Variants in STRBP observed in about 807,000 individuals in gnomAD.
The protein encoded by STRBP is spermatid perinuclear RNA-binding protein.
Under a neutral mutation model 80.1 loss-of-function variants are expected in STRBP, and 13 were observed. That is an observed-to-expected ratio of 0.16 (90% CI 0.11 to 0.26). The LOEUF is 0.26. Among genes scored for constraint, STRBP ranks in the 10% least tolerant of loss-of-function variants. The pLI, the probability that STRBP is intolerant of heterozygous loss-of-function variation, is 1.00. For missense variants in STRBP, 485 were observed against 815.2 expected (o/e 0.59, Z 4.93); for synonymous variants, 284 against 291.2 (o/e 0.98, Z 0.25).
intron 13 of STRBP, among the ~76,000 whole-genome samples, chr9:123,144,091 A>G (rs2132343048): frequency 6.6e-6 from 1 of 151,682 alleles, no homozygotes; most frequent in South Asian, 2.1e-4. Context: ...CCAGCTACCC[A>G]GGAGGCTGAG....
At chr9:123,196,553 C>G (rs917648000) in intron 2 of STRBP, among the ~76,000 whole-genome samples, 1 of 151,950 alleles carries the variant, frequency 6.6e-6, no homozygotes, top group Admixed American at 6.6e-5. Flanking sequence ...AATCTAATAA[C>G]CCAATTAAAA....
intron 13 of STRBP, among the ~76,000 whole-genome samples, chr9:123,143,310 G>T (rs1316676943): frequency 6.6e-6 from 1 of 152,240 alleles, no homozygotes; most frequent in Admixed American, 6.5e-5. Context: ...GGATAGAGAA[G>T]TGGAAGAGTG....
intron 11 of STRBP, among the ~76,000 whole-genome samples, chr9:123,152,099 C>G (rs2037081443): frequency 6.6e-6 from 1 of 152,082 alleles, no homozygotes; most frequent in South Asian, 2.1e-4. Flanking sequence ...CTTACCAAAA[C>G]TGTCCTAAGA....
chr9:123,201,729 C>T (rs148885921), intron 2 of STRBP, among the ~76,000 whole-genome samples: 3 of 152,272 alleles, frequency 2.0e-5, no homozygotes, highest in African/African-American at 7.2e-5. Context: ...TTCTGCAGAT[C>T]TTAGGTAGAA....
rs200949149 is a variant in STRBP at position 123,136,195 on chromosome 9, T to A, written c.1633-14A>T. 7.6e-5 allele frequency: 122 copies of A among 1,614,076 alleles called. No individual in the cohort carries two copies. Among genetic ancestry groups the A allele is most frequent in the Admixed American group, 1.0e-4 (6 of 59,996 alleles). On this transcript the variant is annotated splice_polypyrimidine_tract_variant and intron_variant, in intron 15 of 18. Coordinates refer to ENST00000348403, the MANE Select transcript of STRBP (RefSeq NM_018387.5). This position sits in a 1 kb window ranked among gnomAD's most constrained non-coding sequence, Gnocchi z 4.2. ...ATCTACTTCTACCTACAATCAAGAA[T>A]AACACCTTGCAATTATCCCATGCAA...
intron 2 of STRBP, among the ~76,000 whole-genome samples, chr9:123,188,981 G>T (rs960828609): frequency 6.6e-6 from 1 of 152,042 alleles, no homozygotes; most frequent in African/African-American, 2.4e-5. Flanking sequence ...ATTAGAAAAA[G>T]ACACCTCACT....
At chr9:123,212,019 C>T (rs1189487394) in intron 2 of STRBP, among the ~76,000 whole-genome samples, 1 of 152,174 alleles carries the variant, frequency 6.6e-6, no homozygotes, top group Non-Finnish European at 1.5e-5. Flanking sequence ...ATGACACTTT[C>T]AAGTCAACCT....
chr9:123,176,230 C>A (rs1369363206), intron 4 of STRBP, among the ~76,000 whole-genome samples: 1 of 152,168 alleles, frequency 6.6e-6, no homozygotes, highest in African/African-American at 2.4e-5. Flanking sequence ...TCACCACATG[C>A]CAAAACCCTA....
chr9:123,254,173 A>G (rs1441340946), intron 1 of STRBP, among the ~76,000 whole-genome samples: 1 of 152,192 alleles, frequency 6.6e-6, no homozygotes, highest in Admixed American at 6.5e-5. Context: ...ATTTCCTGGT[A>G]CACATTTCTA....
At chr9:123,204,645 T>C (rs577725258) in intron 2 of STRBP, among the ~76,000 whole-genome samples, 2 of 152,204 alleles carry the variant, frequency 1.3e-5, no homozygotes, top group African/African-American at 4.8e-5. Context: ...ATGCTGTGCA[T>C]GGTGGCTCAC....
At chr9:123,225,651 CT>C (rs1279403571) in intron 2 of STRBP, among the ~76,000 whole-genome samples, 2 of 152,168 alleles carry the variant, frequency 1.3e-5, no homozygotes, top group Admixed American at 6.5e-5. Context: ...GTAATTCTAC[CT>C]ACAGTGTCTA....
At chr9:123,254,564 T>G (rs2040986648) in intron 1 of STRBP, among the ~76,000 whole-genome samples, 1 of 151,786 alleles carries the variant, frequency 6.6e-6, no homozygotes. Context: ...TTAACCTCTC[T>G]GGAACAAAGC....
chr9:123,149,551 A>G (rs1289213367), intron 11 of STRBP, among the ~76,000 whole-genome samples: 1 of 152,216 alleles, frequency 6.6e-6, no homozygotes, highest in African/African-American at 2.4e-5. Flanking sequence ...CATAGCAGCC[A>G]TTGGAAAGGG....
chr9:123,165,744 T>C (rs542070231), intron 6 of STRBP, among the ~76,000 whole-genome samples: 4 of 152,010 alleles, frequency 2.6e-5, no homozygotes, highest in Non-Finnish European at 5.9e-5. Flanking sequence ...TAGACAATAA[T>C]GGGAAGTGGC....
intron 6 of STRBP, among the ~76,000 whole-genome samples, chr9:123,167,747 T>TA (rs2037831372): frequency 1.3e-5 from 2 of 152,158 alleles, no homozygotes; most frequent in African/African-American, 4.8e-5. Flanking sequence ...ATTCAGCTCA[T>TA]AGAGGTCTTT....
At chr9:123,201,216 G>A (rs919510297) in intron 2 of STRBP, among the ~76,000 whole-genome samples, 1 of 151,906 alleles carries the variant, frequency 6.6e-6, no homozygotes, top group Non-Finnish European at 1.5e-5. Context: ...GTGTGTGTTT[G>A]AATTTCATTT....
At chr9:123,111,178 A>G (rs963586561) in intron 3 of STRBP, 2 of 169,310 alleles carry the variant, frequency 1.2e-5, no homozygotes, top group African/African-American at 4.8e-5. Flanking sequence ...TCCACACACA[A>G]GGAGGCTTGG....
chr9:123,141,817 A>C (rs778702424), intron 13 of STRBP, among the ~76,000 whole-genome samples: 15 of 152,216 alleles, frequency 9.9e-5, no homozygotes, highest in Non-Finnish European at 1.5e-4. Flanking sequence ...AAAAAATTCA[A>C]ATCAAATCAT....
At position 123,241,675 on chromosome 9, in the gene STRBP, A is replaced by G. The variant is rs188308248; in HGVS notation, c.-301-4709T>C. On this transcript the variant is annotated intron_variant, in intron 1 of 18. Transcript: ENST00000348403. ...TGATTCCCTTTTCCTGTGGCCATGAAATACAGAACACATCCTGTTGACTCT... is the reference window on the plus strand; with the variant it reads ...TGATTCCCTTTTCCTGTGGCCATGAGATACAGAACACATCCTGTTGACTCT... Among the ~76,000 whole-genome samples, 112 of 152,280 alleles carry G rather than the reference A, an allele frequency of 7.4e-4. 2 individuals are homozygous for G. The highest frequency in any genetic ancestry group is 2.2e-3 in the Admixed American group (33 of 15,292).
Sources: allele counts gnomAD v4.1 joint callset (sites outside exome capture counted in the v4.1 genomes callset), GRCh38; gene constraint gnomAD v4.1.1; non-coding constraint Gnocchi (gnomAD v3.1); transcripts MANE v1.5; gene names NCBI Gene and HGNC (gene_info 2026-07-23, HGNC 2026-07-21).